Variants in PCDHGC3 observed in about 807,000 individuals in gnomAD.
The protein encoded by PCDHGC3 is protocadherin gamma subfamily C, 3, also known as protocadherin gamma-C3.
Under a neutral mutation model 59.2 loss-of-function variants are expected in PCDHGC3, and 26 were observed. The ratio of observed to expected loss-of-function variants is 0.44; its 90% CI spans 0.32 to 0.61. PCDHGC3 has a LOEUF of 0.61. Among genes scored for constraint, PCDHGC3 ranks in the 20% least tolerant of loss-of-function variants. The pLI is 0.05. For synonymous variants in PCDHGC3, 487 were observed against 519.7 expected (o/e 0.94, Z 0.86); for missense variants, 1,080 against 1,221.8 (o/e 0.88, Z 1.73).
chr5:141,490,103 C>T lies in PCDHGC3; in HGVS notation c.2431-4704C>T, dbSNP rs1012215533. ...TCTTTTGGAGACCACACATCTGAGG[C>T]AGTGCGGAACCTCTTTGGCCTAGAC... On this transcript the variant is annotated intron_variant, in intron 1 of 3. Coordinates refer to ENST00000308177, the MANE Select transcript of PCDHGC3 (RefSeq NM_002588.4). The surrounding 1 kb of genome is among the most constrained non-coding windows in gnomAD (Gnocchi z 5.4). The T allele has an allele frequency of 6.2e-7, 1 of 1,614,122 alleles. No homozygotes were observed. The highest frequency in any genetic ancestry group is 1.3e-5 in the African/African-American group (1 of 74,954).
chr5:141,508,714 G>A (rs775462794), intron 3 of PCDHGC3, among the ~76,000 whole-genome samples: 16 of 151,880 alleles, frequency 1.1e-4, no homozygotes, highest in Admixed American at 2.0e-4. Context: ...ATTCTTTTCT[G>A]TGTGCAGGGA....
At chr5:141,484,857 G>C in intron 1 of PCDHGC3, 1 of 264,370 alleles carries the variant, frequency 3.8e-6, no homozygotes. Flanking sequence ...TTTTTGGGGG[G>C]TGGGGGAGCG....
At chr5:141,505,993 T>TGCGA (rs2099849805) in intron 3 of PCDHGC3, among the ~76,000 whole-genome samples, 1 of 152,188 alleles carries the variant, frequency 6.6e-6, no homozygotes, top group African/African-American at 2.4e-5. Context: ...CTCCTCTTTA[T>TGCGA]GCGAGGCTCC....
At position 141,485,299 on chromosome 5, in the gene PCDHGC3, G is replaced by A; in HGVS notation, c.2430+6753G>A. On this transcript the variant is annotated intron_variant, in intron 1 of 3. Coordinates refer to ENST00000308177, the MANE Select transcript of PCDHGC3 (RefSeq NM_002588.4). The surrounding 1 kb of genome is among the most constrained non-coding windows in gnomAD (Gnocchi z 5.7). ...CGGTCCCAGAGGAGTCACAGGAAGG[G>A]ACTTTTGTAGGGAATGTCGCTCAAG... 1 of 1,614,180 alleles carries A rather than the reference G, an allele frequency of 6.2e-7. No individual in the cohort carries two copies. Among genetic ancestry groups the A allele is most frequent in the Non-Finnish European group, 8.5e-7 (1 of 1,180,012 alleles).
intron 2 of PCDHGC3, among the ~76,000 whole-genome samples, chr5:141,497,865 A>G (rs1248242691): frequency 2.0e-5 from 3 of 152,168 alleles, no homozygotes; most frequent in Admixed American, 2.0e-4. Flanking sequence ...CAGCGGCTCC[A>G]AAGTGAAATA....
At chr5:141,506,910 G>C (rs1165112258) in intron 3 of PCDHGC3, among the ~76,000 whole-genome samples, 1 of 152,082 alleles carries the variant, frequency 6.6e-6, no homozygotes, top group Admixed American at 6.5e-5. Context: ...ATCACACCTG[G>C]GCACATACTA....
Position 141,494,815 on chromosome 5 carries a change from G to A in PCDHGC3, c.2439G>A (p.Pro813=), listed in dbSNP as rs765344906. 1 of 1,613,976 alleles carries A rather than the reference G, an allele frequency of 6.2e-7. No homozygotes were observed. Among genetic ancestry groups the A allele is most frequent in the South Asian group, 1.1e-5 (1 of 91,072 alleles). ...AESAPPGQQA[P]PNTDWRFSQA... The stretch of plus-strand genomic sequence containing the variant: ...CTCTGTTTTCTCCACAGCAAGCCCC[G>A]CCCAACACGGACTGGCGTTTCTCTC... The change falls in exon 2 of 4, where the codon CCG becomes CCA. Residue 813 remains proline, a synonymous_variant. Transcript: ENST00000308177.
At chr5:141,507,450 CAGAG>C (rs940460926) in intron 3 of PCDHGC3, among the ~76,000 whole-genome samples, 1 of 152,170 alleles carries the variant, frequency 6.6e-6, no homozygotes, top group African/African-American at 2.4e-5. Flanking sequence ...GACGGAAGGA[CAGAG>C]AGAGAGGTGG....
chr5:141,500,175 CA>C (rs762724660), intron 2 of PCDHGC3, among the ~76,000 whole-genome samples: 15 of 147,258 alleles, frequency 1.0e-4, no homozygotes, highest in Non-Finnish European at 1.5e-4. Flanking sequence ...GCATGAGCTT[CA>C]TTTTTATTTT....
In PCDHGC3 at chr5:141,489,664, A is replaced by C. The variant is rs745597010; in HGVS notation, c.2431-5143A>C. 1.9e-6 allele frequency: 3 copies of C among 1,614,224 alleles called. No individual in the cohort carries two copies. Among genetic ancestry groups the C allele is most frequent in the African/African-American group, 1.3e-5 (1 of 75,058 alleles). On this transcript the variant is annotated intron_variant, in intron 1 of 3. Transcript: ENST00000308177. This position sits in a 1 kb window ranked among gnomAD's most constrained non-coding sequence, Gnocchi z 4.5. ...TGCCACCCCTGAGCGAGAGATGCGC[A>C]TCTCAGAATCAGCAGCATCTGGGGC... is the stretch of plus-strand genomic sequence containing the variant.
In PCDHGC3 at chr5:141,491,463, C is replaced by CT. The variant is rs765984397; in HGVS notation, c.2431-3343dup. The CT allele has an allele frequency of 6.2e-7, 1 of 1,614,112 alleles. No homozygotes were observed. Among genetic ancestry groups the CT allele is most frequent in the Non-Finnish European group, 8.5e-7 (1 of 1,180,010 alleles). ...GCCAGGACTCACCCTCCCCGGACTT[C>CT]TATAAGCAGTCCAGCCCCAACCTGC... On this transcript the variant is annotated intron_variant, in intron 1 of 3. Coordinates refer to ENST00000308177, the MANE Select transcript of PCDHGC3 (RefSeq NM_002588.4). This position sits in a 1 kb window ranked among gnomAD's most constrained non-coding sequence, Gnocchi z 6.9.
At position 141,485,010 on chromosome 5, in the gene PCDHGC3, C is replaced by T; in HGVS notation, c.2430+6464C>T. 1 of 629,958 alleles carries T rather than the reference C, an allele frequency of 1.6e-6. No homozygotes were observed. The highest frequency in any genetic ancestry group is 2.9e-6 in the Non-Finnish European group (1 of 350,608). 39.0% of individuals were successfully genotyped at this position (629,958 alleles called of 1,614,324 possible). On this transcript the variant is annotated intron_variant, in intron 1 of 3. Coordinates refer to ENST00000308177, the MANE Select transcript of PCDHGC3 (RefSeq NM_002588.4). This position sits in a 1 kb window ranked among gnomAD's most constrained non-coding sequence, Gnocchi z 5.7. ...GTGGTGAAAGGCAGACAAATCTACC[C>T]CGCCACCAGCAAAAACGGCGCGTAA...
intron 3 of PCDHGC3, 162 bp downstream of exon 3, chr5:141,505,643 T>C: frequency 1.0e-6 from 1 of 967,852 alleles, no homozygotes. Context: ...AAGCCTGGAA[T>C]TGTGGCTAAG....
chr5:141,510,898 T>G (rs1393880610), intron 3 of PCDHGC3, 49 bp from the exon 4 acceptor site: 1 of 1,613,278 alleles, frequency 6.2e-7, no homozygotes, highest in East Asian at 2.2e-5. Context: ...ACAGTGACTG[T>G]TGAGGACCCT....
intron 2 of PCDHGC3, among the ~76,000 whole-genome samples, chr5:141,503,700 C>G (rs2099828974): frequency 6.6e-6 from 1 of 152,016 alleles, no homozygotes; most frequent in Non-Finnish European, 1.5e-5. Flanking sequence ...GAGATTCCTG[C>G]TTTCCCCTTC....
chr5:141,504,130 C>T (rs1334901812), intron 2 of PCDHGC3, among the ~76,000 whole-genome samples: 1 of 152,154 alleles, frequency 6.6e-6, no homozygotes, highest in African/African-American at 2.4e-5. Flanking sequence ...TGTTTCCCGC[C>T]AACACTCCCC....
chr5:141,489,348 G>T lies in PCDHGC3; in HGVS notation c.2431-5459G>T. On this transcript the variant is annotated intron_variant, in intron 1 of 3. Coordinates refer to ENST00000308177, the MANE Select transcript of PCDHGC3 (RefSeq NM_002588.4). The surrounding 1 kb of genome is among the most constrained non-coding windows in gnomAD (Gnocchi z 4.5). ...CTGGGCAGCTTCGTTACTCAGTGGT[G>T]GAGGAGTCTGAGCCGGGGACGCTGG... is the stretch of plus-strand genomic sequence containing the variant. 1 of 1,611,876 alleles carries T rather than the reference G, an allele frequency of 6.2e-7. No homozygotes were observed. The highest frequency in any genetic ancestry group is 8.5e-7 in the Non-Finnish European group (1 of 1,178,502).
In PCDHGC3 at chr5:141,489,744, C is replaced by T. The variant is rs185263705; in HGVS notation, c.2431-5063C>T. The T allele has an allele frequency of 1.1e-5, 18 of 1,614,144 alleles. No homozygotes were observed. In the Admixed American group the frequency reaches 2.8e-4, roughly 25 times the overall value. Reference sequence around the variant, plus strand: ...CGGATGTGGGCACCAATACTGTGAGCTTTTACACTCTAAGCCCCAACAGCC... The same window carrying T: ...CGGATGTGGGCACCAATACTGTGAGTTTTTACACTCTAAGCCCCAACAGCC... On this transcript the variant is annotated intron_variant, in intron 1 of 3. Transcript: ENST00000308177. This position sits in a 1 kb window ranked among gnomAD's most constrained non-coding sequence, Gnocchi z 4.5.
intron 3 of PCDHGC3, 44 bp downstream of exon 3, chr5:141,505,525 G>C: frequency 1.2e-6 from 2 of 1,612,490 alleles, no homozygotes; most frequent in Non-Finnish European, 1.7e-6. Flanking sequence ...GAGACCTGGG[G>C]TTCTGGGGTG....
Sources: allele counts gnomAD v4.1 joint callset (sites outside exome capture counted in the v4.1 genomes callset), GRCh38; gene constraint gnomAD v4.1.1; non-coding constraint Gnocchi (gnomAD v3.1); transcripts MANE v1.5; gene names NCBI Gene and HGNC (gene_info 2026-07-23, HGNC 2026-07-21).